Variants in RPS6KA5 observed in about 807,000 individuals in gnomAD.
RPS6KA5 encodes ribosomal protein S6 kinase alpha-5.
RPS6KA5 carries 27 observed loss-of-function variants against 85.5 expected under a neutral mutation model. The observed-to-expected ratio is 0.32, with a 90% CI of 0.23 to 0.44. The LOEUF is 0.44. Among genes scored for constraint, RPS6KA5 ranks in the 20% least tolerant of loss-of-function variants. The pLI is 1.00. For missense variants in RPS6KA5, 811 were observed against 980.9 expected (o/e 0.83, Z 2.31); for synonymous variants, 334 against 348.2 (o/e 0.96, Z 0.46).
chr14:90,873,575 C>T, intron 16 of RPS6KA5, 57 bp downstream of exon 16: 1 of 1,450,178 alleles, frequency 6.9e-7, no homozygotes, highest in Non-Finnish European at 9.4e-7. Flanking sequence ...AGAGTAAGAA[C>T]ATTTGATTAT....
chr14:90,953,036 C>CA (rs1396028125), intron 3 of RPS6KA5, among the ~76,000 whole-genome samples: 4 of 152,062 alleles, frequency 2.6e-5, no homozygotes, highest in Admixed American at 1.3e-4. Flanking sequence ...AATCCTGCGT[C>CA]AAAACCAAGA....
chr14:90,996,533 A>T (rs2040527576), intron 2 of RPS6KA5, among the ~76,000 whole-genome samples: 1 of 152,178 alleles, frequency 6.6e-6, no homozygotes, highest in Non-Finnish European at 1.5e-5. Flanking sequence ...CTTTGACCAT[A>T]TCTAGAATAA....
intron 1 of RPS6KA5, among the ~76,000 whole-genome samples, chr14:91,056,713 A>C (rs1326159734): frequency 6.6e-6 from 1 of 152,156 alleles, no homozygotes; most frequent in African/African-American, 2.4e-5. Context: ...TACTTACTAA[A>C]TAAGTGGGTA....
intron 1 of RPS6KA5, among the ~76,000 whole-genome samples, chr14:91,050,940 T>G (rs1233463875): frequency 2.6e-5 from 4 of 151,994 alleles, no homozygotes; most frequent in Middle Eastern, 3.2e-3. Context: ...TTAAAGTAAA[T>G]CATAGGGTCA....
chr14:90,872,973 C>T (rs2033218528), intron 16 of RPS6KA5, among the ~76,000 whole-genome samples: 1 of 152,216 alleles, frequency 6.6e-6, no homozygotes. Context: ...AATCTCTTTA[C>T]CATCTCAACA....
chr14:90,931,444 A>G (rs1209429315), intron 5 of RPS6KA5, among the ~76,000 whole-genome samples: 3 of 152,180 alleles, frequency 2.0e-5, no homozygotes, highest in Non-Finnish European at 4.4e-5. Flanking sequence ...GATCTGTTAC[A>G]TAACAAAATG....
At chr14:91,035,861 AAAAAAAAAAAAAAAAAAAAAC>A (rs1195202066) in intron 1 of RPS6KA5, among the ~76,000 whole-genome samples, 2 of 135,030 alleles carry the variant, frequency 1.5e-5, no homozygotes, top group African/African-American at 5.4e-5. Flanking sequence ...AAAAAAAAAA[AAAAAAAAAAAAAAAAAAAAAC>A]CCCAAAGCTG....
intron 1 of RPS6KA5, chr14:91,052,390 C>T: frequency 2.6e-6 from 1 of 390,446 alleles, no homozygotes; most frequent in South Asian, 1.8e-5. Context: ...ATCACTTGAA[C>T]CCAGGAGGCG....
At chr14:91,055,848 A>T (rs909272815) in intron 1 of RPS6KA5, among the ~76,000 whole-genome samples, 3 of 152,328 alleles carry the variant, frequency 2.0e-5, no homozygotes, top group Non-Finnish European at 4.4e-5. Context: ...GTTTTTGGGG[A>T]AACCAGCTGC....
intron 1 of RPS6KA5, among the ~76,000 whole-genome samples, chr14:91,042,904 C>T (rs1336426327): frequency 2.0e-5 from 3 of 152,082 alleles, no homozygotes; most frequent in Admixed American, 6.5e-5. Flanking sequence ...AAAACAAGGA[C>T]ACAACAAATA....
intron 5 of RPS6KA5, among the ~76,000 whole-genome samples, chr14:90,925,240 G>A (rs1218101124): frequency 6.6e-6 from 1 of 152,104 alleles, no homozygotes; most frequent in Non-Finnish European, 1.5e-5. Context: ...CCAGAAACTT[G>A]AGTTTTAATA....
At chr14:91,024,370 G>C (rs2041910182) in intron 1 of RPS6KA5, among the ~76,000 whole-genome samples, 1 of 151,870 alleles carries the variant, frequency 6.6e-6, no homozygotes. Flanking sequence ...ATTCAGTTTG[G>C]AGTATTATAT....
At chr14:91,052,443 GC>G (rs2043126173) in intron 1 of RPS6KA5, 1 of 279,396 alleles carries the variant, frequency 3.6e-6, no homozygotes. Flanking sequence ...TCCAGCCTGG[GC>G]AACAGAGTAG....
At chr14:91,051,423 A>C (rs2043074907) in intron 1 of RPS6KA5, among the ~76,000 whole-genome samples, 1 of 152,108 alleles carries the variant, frequency 6.6e-6, no homozygotes, top group African/African-American at 2.4e-5. Flanking sequence ...AATAAAATGA[A>C]ATTTTAAAAT....
chr14:90,921,312 G>C (rs2036390650), intron 6 of RPS6KA5, among the ~76,000 whole-genome samples: 1 of 152,134 alleles, frequency 6.6e-6, no homozygotes, highest in South Asian at 2.1e-4. Flanking sequence ...CCTCATGCCA[G>C]GCACTATGAT....
rs1199179653 is a variant in RPS6KA5 at position 90,869,410 on chromosome 14, T to C, written c.*2664A>G. On this transcript the variant is annotated 3_prime_UTR_variant, in exon 17 of 17. Transcript: ENST00000614987. ...GAAGAAACTGGTCTTTCTTAACATC[T>C]TTCCTCTATTATCTTCCTTTTCTTA... 1 of 152,198 alleles carries C rather than the reference T, an allele frequency of 6.6e-6. No individual in the cohort carries two copies. Among genetic ancestry groups the C allele is most frequent in the Non-Finnish European group, 1.5e-5 (1 of 68,038 alleles). The allele number at this position is 152,198 out of a possible 1,614,324, so 9.4% of individuals were successfully genotyped here.
intron 11 of RPS6KA5, among the ~76,000 whole-genome samples, chr14:90,899,702 T>C (rs2035049648): frequency 6.6e-6 from 1 of 152,184 alleles, no homozygotes; most frequent in South Asian, 2.1e-4. Context: ...TATGCAATCT[T>C]AATAATAATC....
At chr14:90,906,013 A>G in intron 8 of RPS6KA5, 136 bp downstream of exon 8, 2 of 801,676 alleles carry the variant, frequency 2.5e-6, no homozygotes, top group South Asian at 5.7e-5. Context: ...AAAACAAAAC[A>G]AAAGGTGCAA....
At position 91,016,583 on chromosome 14, in the gene RPS6KA5, G is replaced by GT. The variant is rs1044976168; in HGVS notation, c.104-15425dup. On this transcript the variant is annotated intron_variant, in intron 1 of 16. Transcript: ENST00000614987. ...ATGTGTGTGTTGTGTGTTTCTGTGA[G>GT]TTTTTTTGGATAAGATCAATATTTA... Among the ~76,000 whole-genome samples, 69 of 152,130 alleles carry GT rather than the reference G, an allele frequency of 4.5e-4. No individual in the cohort carries two copies. In the Middle Eastern group the frequency reaches 0.014, roughly 30 times the overall value.
Sources: gnomAD v4.1 joint callset for allele counts (sites outside exome capture counted in the v4.1 genomes callset) on GRCh38, gnomAD v4.1.1 for gene constraint, MANE v1.5 for transcripts, NCBI Gene and HGNC (gene_info 2026-07-23, HGNC 2026-07-21) for gene names.